Variants in UMAD1 observed in about 807,000 individuals in gnomAD.
UMAD1 encodes UBAP1-MVB12-associated (UMA)-domain containing protein 1.
UMAD1 carries 8 observed loss-of-function variants against 6.1 expected under a neutral mutation model. The observed-to-expected ratio is 1.30, with a 90% CI of 0.76 to 2.35. The LOEUF is 2.35. UMAD1 is among the 30% of genes most tolerant of loss of function. The pLI, the probability that UMAD1 is intolerant of heterozygous loss-of-function variation, is 0.00. For synonymous variants in UMAD1, 56 were observed against 31.4 expected (o/e 1.78, Z -2.61); for missense variants, 130 against 78.4 (o/e 1.66, Z -2.49).
intron 2 of UMAD1, among the ~76,000 whole-genome samples, chr7:7,772,004 G>A (rs1782112397): frequency 2.0e-5 from 3 of 151,956 alleles, no homozygotes; most frequent in African/African-American, 7.3e-5. Context: ...TATGGCAGAA[G>A]CATGCTCTAA....
intron 1 of UMAD1, 99 bp from the exon 2 acceptor site, chr7:7,673,204 CTAAGAG>C: frequency 2.6e-6 from 2 of 774,576 alleles, no homozygotes. Context: ...CATAGAATTC[CTAAGAG>C]TAACTATTGT....
At chr7:7,742,481 C>G (rs1465834782) in intron 2 of UMAD1, 2 of 530,368 alleles carry the variant, frequency 3.8e-6, no homozygotes, top group African/African-American at 3.9e-5. Flanking sequence ...CCTTTCAACA[C>G]TGCCTTCTTG....
intron 2 of UMAD1, among the ~76,000 whole-genome samples, chr7:7,776,522 G>T (rs1161208929): frequency 1.3e-5 from 2 of 152,098 alleles, no homozygotes; most frequent in Non-Finnish European, 2.9e-5. Flanking sequence ...TTTCAGTGTT[G>T]TTTTTGCAAT....
intron 2 of UMAD1, among the ~76,000 whole-genome samples, chr7:7,697,994 C>G (rs1242297718): frequency 6.6e-6 from 1 of 152,090 alleles, no homozygotes; most frequent in African/African-American, 2.4e-5. Context: ...CAAGCTGACC[C>G]CACTACTCAT....
At chr7:7,779,396 G>C (rs1583818924) in intron 2 of UMAD1, among the ~76,000 whole-genome samples, 1 of 152,138 alleles carries the variant, frequency 6.6e-6, no homozygotes, top group South Asian at 2.1e-4. Context: ...TCCCCAAGTA[G>C]CTGGGACTAC....
chr7:7,757,594 G>A (rs919465552), intron 2 of UMAD1, among the ~76,000 whole-genome samples: 1 of 152,182 alleles, frequency 6.6e-6, no homozygotes, highest in African/African-American at 2.4e-5. Flanking sequence ...TTAGTTTACA[G>A]ATATTTGGTC....
At chr7:7,645,494 G>A (rs1429019679) in intron 1 of UMAD1, among the ~76,000 whole-genome samples, 2 of 152,174 alleles carry the variant, frequency 1.3e-5, no homozygotes, top group Admixed American at 1.3e-4. Context: ...TGGAGCTTCA[G>A]CTATCAAGTA....
At chr7:7,775,492 C>T (rs1051863573) in intron 2 of UMAD1, among the ~76,000 whole-genome samples, 16 of 152,186 alleles carry the variant, frequency 1.1e-4, no homozygotes, top group African/African-American at 3.9e-4. Flanking sequence ...TGCCTTCCGC[C>T]ATGATTGTAA....
At chr7:7,649,686 GT>G (rs140194577) in intron 1 of UMAD1, among the ~76,000 whole-genome samples, 46,984 of 151,066 alleles carry the variant, frequency 0.31, 9,050 homozygotes, top group East Asian at 0.79. Context: ...ATTCTTGTTG[GT>G]GGGGGGGCCC....
chr7:7,678,866 A>T (rs1295327200), intron 2 of UMAD1, among the ~76,000 whole-genome samples: 1 of 12,784 alleles, frequency 7.8e-5, no homozygotes, highest in Non-Finnish European at 1.2e-4. Context: ...ATATATTTAT[A>T]TATTTAGTTT....
At chr7:7,673,972 A>C (rs1234662320) in intron 2 of UMAD1, among the ~76,000 whole-genome samples, 1 of 152,204 alleles carries the variant, frequency 6.6e-6, no homozygotes, top group Non-Finnish European at 1.5e-5. Flanking sequence ...TATTTCTTAC[A>C]ATCAAATACA....
chr7:7,641,388 G>GTTAGGGTT (rs1784970534), intron 1 of UMAD1: 1 of 152,274 alleles, frequency 6.6e-6, no homozygotes, highest in South Asian at 2.1e-4. Context: ...GGTTCCCCGA[G>GTTAGGGTT]CTAGGGTTCT....
chr7:7,680,092 G>A (rs1779871778), intron 2 of UMAD1, among the ~76,000 whole-genome samples: 1 of 151,842 alleles, frequency 6.6e-6, no homozygotes, highest in South Asian at 2.1e-4. Flanking sequence ...GTGCTTGTGG[G>A]GTATTACTCA....
chr7:7,862,513 A>T (rs1770489823), intron 3 of UMAD1, among the ~76,000 whole-genome samples: 3 of 152,222 alleles, frequency 2.0e-5, no homozygotes, highest in Admixed American at 2.0e-4. Flanking sequence ...GTATTAATAG[A>T]ATCCAGTGTG....
At chr7:7,648,100 G>A (rs967000740) in intron 1 of UMAD1, among the ~76,000 whole-genome samples, 2 of 152,180 alleles carry the variant, frequency 1.3e-5, no homozygotes, top group African/African-American at 4.8e-5. Context: ...CTCAGCTGAA[G>A]GTAAAAACAG....
At chr7:7,709,242 C>T (rs1279963390) in intron 2 of UMAD1, among the ~76,000 whole-genome samples, 1 of 152,086 alleles carries the variant, frequency 6.6e-6, no homozygotes. Flanking sequence ...TAATGTTATG[C>T]ATGGGGTTAC....
Position 7,741,853 on chromosome 7 carries a change from A to G in UMAD1, c.83-59817A>G, listed in dbSNP as rs1781475077. 5.4e-5 allele frequency: 11 copies of G among 203,066 alleles called. No individual in the cohort carries two copies. The South Asian group carries it at 7.9e-4, about 15-fold the overall frequency. 12.6% of individuals were successfully genotyped at this position (203,066 alleles called of 1,614,324 possible). ...GGCTTTAAGTCAACTTATTAAAAATAGAACACCTTTGTAAAATGAAAAAAT... is the reference window on the plus strand; with the variant it reads ...GGCTTTAAGTCAACTTATTAAAAATGGAACACCTTTGTAAAATGAAAAAAT... On this transcript the variant is annotated intron_variant, in intron 2 of 3. Transcript: ENST00000682710.
At chr7:7,812,629 C>T (rs763951274) in intron 3 of UMAD1, among the ~76,000 whole-genome samples, 10 of 151,272 alleles carry the variant, frequency 6.6e-5, no homozygotes, top group Non-Finnish European at 1.2e-4. Flanking sequence ...TTTATGTCTT[C>T]AATTGAGATA....
intron 2 of UMAD1, among the ~76,000 whole-genome samples, chr7:7,694,961 C>G (rs1040919046): frequency 3.9e-5 from 6 of 152,260 alleles, no homozygotes; most frequent in Admixed American, 3.9e-4. Flanking sequence ...AGGAACCTCC[C>G]TACTGTTCTC....
Sources: allele counts gnomAD v4.1 joint callset (sites outside exome capture counted in the v4.1 genomes callset), GRCh38; gene constraint gnomAD v4.1.1; transcripts MANE v1.5; gene names NCBI Gene and HGNC (gene_info 2026-07-23, HGNC 2026-07-21).